MAP3K19: variants seen among roughly 807,000 people sequenced by gnomAD.
MAP3K19 encodes the protein SPS1/STE20-related protein kinase YSK4.
A neutral mutation model predicts 114.4 loss-of-function variants in MAP3K19; 91 were observed. The observed-to-expected ratio is 0.80, with a 90% confidence interval of 0.67 to 0.95. MAP3K19 has a LOEUF of 0.95. Among genes scored for constraint, MAP3K19 ranks in the 40% least tolerant of loss-of-function variants. The pLI, the probability that MAP3K19 is intolerant of heterozygous loss-of-function variation, is 0.00. For synonymous variants in MAP3K19, 518 were observed against 530.5 expected, an observed-to-expected ratio of 0.98 and a Z score of 0.32; for missense variants, 1,471 against 1,573.2, an observed-to-expected ratio of 0.94 and a Z score of 1.10.
intron 3 of MAP3K19, among the ~76,000 whole-genome samples, chr2:135,025,666 G>A (rs949048342): frequency 2.6e-5 from 4 of 151,830 alleles, no homozygotes; most frequent in African/African-American, 9.7e-5. Context: ...GATTACAGGC[G>A]TGAGCCACCG....
At chr2:135,030,667 T>G (rs1036483323) in intron 2 of MAP3K19, among the ~76,000 whole-genome samples, 167 bp from the exon 3 acceptor site, 1 of 152,248 alleles carries the variant, frequency 6.6e-6, no homozygotes, top group Admixed American at 6.5e-5. Context: ...GCATGATTTT[T>G]GGATAGTCTT....
Position 135,036,128 on chromosome 2 carries a change from G to A in MAP3K19, c.-284+4235C>T, listed in dbSNP as rs180710181. ...GGATTACAGGTTTGAGCCACTGGGC[G>A]CCTGGCCAAGATTTTTTTTTTCCTA... On this transcript the variant is annotated intron_variant, in intron 2 of 12. Coordinates refer to ENST00000392915, the MANE Select transcript of MAP3K19 (RefSeq NM_025052.5). Among the ~76,000 whole-genome samples the A allele has an allele frequency of 8.5e-5, 13 of 152,132 alleles. No homozygotes were observed. In the South Asian group the frequency reaches 2.5e-3, roughly 29 times the overall value.
At chr2:135,009,442 A>T (rs1327000953) in intron 5 of MAP3K19, among the ~76,000 whole-genome samples, 2 of 128,374 alleles carry the variant, frequency 1.6e-5, no homozygotes, top group Non-Finnish European at 3.5e-5. Flanking sequence ...AGTCTAGAAC[A>T]CTCTAAGAGA....
intron 5 of MAP3K19, among the ~76,000 whole-genome samples, chr2:135,017,047 G>A (rs1687622482): frequency 6.6e-6 from 1 of 151,984 alleles, no homozygotes; most frequent in Non-Finnish European, 1.5e-5. Flanking sequence ...TGCTCCTGAT[G>A]TCATCTGCAT....
At chr2:134,979,805 A>G (rs1477212441) in intron 12 of MAP3K19, among the ~76,000 whole-genome samples, 1 of 152,100 alleles carries the variant, frequency 6.6e-6, no homozygotes, top group East Asian at 1.9e-4. Context: ...TCCTGAAATC[A>G]GCCAGGACAG....
At chr2:135,004,805 T>G (rs1462081591) in intron 6 of MAP3K19, among the ~76,000 whole-genome samples, 1 of 151,938 alleles carries the variant, frequency 6.6e-6, no homozygotes, top group Non-Finnish European at 1.5e-5. Flanking sequence ...GACCGAGACT[T>G]GGGGACTTTC....
intron 8 of MAP3K19, among the ~76,000 whole-genome samples, chr2:134,997,871 C>T (rs960802005): frequency 1.3e-5 from 2 of 151,220 alleles, no homozygotes; most frequent in African/African-American, 4.9e-5. Context: ...TAAAATGTAC[C>T]CTTCTCTTAA....
intron 12 of MAP3K19, among the ~76,000 whole-genome samples, chr2:134,965,122 T>C (rs965538143): frequency 6.6e-6 from 1 of 152,212 alleles, no homozygotes; most frequent in Non-Finnish European, 1.5e-5. Context: ...GAGATAACAA[T>C]AATACCTAAC....
intron 10 of MAP3K19, among the ~76,000 whole-genome samples, chr2:134,984,967 C>T (rs1413060857): frequency 6.6e-6 from 1 of 152,096 alleles, no homozygotes; most frequent in African/African-American, 2.4e-5. Context: ...AAAATTATTC[C>T]TGATCCTGAT....
intron 2 of MAP3K19, among the ~76,000 whole-genome samples, chr2:135,033,381 C>G (rs1361660587): frequency 1.8e-5 from 2 of 113,308 alleles, no homozygotes; most frequent in African/African-American, 4.7e-5. Context: ...TGACCCCCCC[C>G]ACTGCCCTCC....
chr2:135,023,484 C>T (rs1347573311), intron 4 of MAP3K19: 2 of 533,456 alleles, frequency 3.7e-6, no homozygotes, highest in Admixed American at 1.9e-5. Flanking sequence ...CCCACAAGCC[C>T]AGTCCTACAG....
At chr2:135,034,805 G>C (rs1688489437) in intron 2 of MAP3K19, among the ~76,000 whole-genome samples, 1 of 132,678 alleles carries the variant, frequency 7.5e-6, no homozygotes, top group Non-Finnish European at 1.6e-5. Context: ...GAGGGAGGGG[G>C]AGACCGTGGG....
chr2:134,989,985 G>T (rs1685443639), intron 9 of MAP3K19, among the ~76,000 whole-genome samples: 1 of 152,052 alleles, frequency 6.6e-6, no homozygotes, highest in Non-Finnish European at 1.5e-5. Flanking sequence ...AGGAGGCTGA[G>T]GCAGGAGAAA....
Position 134,987,095 on chromosome 2 carries a change from T to G in MAP3K19, c.1777A>C (p.Lys593Gln), listed in dbSNP as rs1685192552. The change falls in exon 10 of 13, where the codon AAA becomes CAA. Residue 593 changes from lysine (K) to glutamine (Q), a missense_variant. By Grantham distance (53) the Lys-to-Gln change is moderately conservative (BLOSUM62 1). Coordinates refer to ENST00000392915, the MANE Select transcript of MAP3K19 (RefSeq NM_025052.5). ...TGCTTCTTTGCTATCTGTGGCATTTTCTTTTGAAACCTGGGCAATTGCCAA... is the reference window on the plus strand; with the variant it reads ...TGCTTCTTTGCTATCTGTGGCATTTGCTTTTGAAACCTGGGCAATTGCCAA... Reference protein sequence around the residue: ...RPWQLPRFQKKMPQIAKKQST... With the variant: ...RPWQLPRFQKQMPQIAKKQST... 1 of 1,613,410 alleles carries G rather than the reference T, an allele frequency of 6.2e-7. No homozygotes were observed. Among genetic ancestry groups the G allele is most frequent in the Non-Finnish European group, 8.5e-7 (1 of 1,179,992 alleles).
Position 134,999,047 on chromosome 2 carries a change from T to C in MAP3K19, c.315-50A>G. The C allele has an allele frequency of 6.3e-7, 1 of 1,577,418 alleles. No individual in the cohort carries two copies. The highest frequency in any genetic ancestry group is 1.4e-5 in the African/African-American group (1 of 73,480). ...TTTAAAACTCAGTTGCCACATCTTC[T>C]GGATCTCCAGTCCTCAGTTCAGCCT... On this transcript the variant is annotated intron_variant, in intron 7 of 12. Coordinates refer to ENST00000392915, the MANE Select transcript of MAP3K19 (RefSeq NM_025052.5). The surrounding 1 kb of genome is among the most constrained non-coding windows in gnomAD (Gnocchi z 4.1).
Position 134,999,006 on chromosome 2 carries a change from G to A in MAP3K19, c.315-9C>T. ...GCGATGAGTTTATCAGACTAAAGGG[G>A]GAGGGAAATGTTTGATTTAAAACTC... On this transcript the variant is annotated splice_polypyrimidine_tract_variant and intron_variant, in intron 7 of 12. Transcript: ENST00000392915. This position sits in a 1 kb window ranked among gnomAD's most constrained non-coding sequence, Gnocchi z 4.1. 6.2e-7 allele frequency: 1 copy of A among 1,604,220 alleles called. No individual in the cohort carries two copies. Among genetic ancestry groups the A allele is most frequent in the South Asian group, 1.1e-5 (1 of 89,286 alleles).
intron 8 of MAP3K19, among the ~76,000 whole-genome samples, chr2:134,997,820 A>AAAAC (rs1686121627): frequency 6.7e-6 from 1 of 148,418 alleles, no homozygotes; most frequent in African/African-American, 2.5e-5. Context: ...TCCGTCTCAA[A>AAAAC]AAAAAAAAAA....
intron 3 of MAP3K19, among the ~76,000 whole-genome samples, chr2:135,028,527 C>A: frequency 6.7e-6 from 1 of 148,284 alleles, no homozygotes. Flanking sequence ...CACTGCACTC[C>A]AGCCTTGGCA....
At chr2:134,966,045 T>C (rs922306748) in intron 12 of MAP3K19, among the ~76,000 whole-genome samples, 21 of 152,356 alleles carry the variant, frequency 1.4e-4, no homozygotes, top group South Asian at 2.1e-4. Flanking sequence ...TCTCTGTTGC[T>C]GAAAATGATA....
Sources: allele counts gnomAD v4.1 joint callset (sites outside exome capture counted in the v4.1 genomes callset), GRCh38; gene constraint gnomAD v4.1.1; non-coding constraint Gnocchi (gnomAD v3.1); transcripts MANE v1.5; gene names NCBI Gene and HGNC (gene_info 2026-07-23, HGNC 2026-07-21).